COG1: variants seen among roughly 807,000 people sequenced by gnomAD.
The protein encoded by COG1 is component of oligomeric golgi complex 1.
COG1 carries 61 observed loss-of-function variants against 102.2 expected under a neutral mutation model. That is an observed-to-expected ratio of 0.60 (90% CI 0.49 to 0.74). The LOEUF is 0.74. COG1 is among the 30% of genes least tolerant of loss of function. The pLI, the probability that COG1 is intolerant of heterozygous loss-of-function variation, is 0.00. For missense variants in COG1, 1,164 were observed against 1,232.1 expected (o/e 0.94, Z 0.83); for synonymous variants, 454 against 493.6 (o/e 0.92, Z 1.06).
intron 9 of COG1, chr17:73,205,326 C>CT (rs1269022056): frequency 1.8e-6 from 1 of 540,964 alleles, no homozygotes; most frequent in African/African-American, 1.9e-5. Context: ...CATCTGAGGC[C>CT]TTTTTTAAGG....
At chr17:73,197,530 A>G in intron 4 of COG1, 134 bp downstream of exon 4, 1 of 903,546 alleles carries the variant, frequency 1.1e-6, no homozygotes, top group Non-Finnish European at 1.8e-6. Flanking sequence ...CCCTTCCTTC[A>G]TCGAGGCCAC....
In COG1 at chr17:73,201,298, A is replaced by C. The variant is rs1365817492; in HGVS notation, c.1471A>C (p.Ser491Arg). 5.6e-6 allele frequency: 9 copies of C among 1,614,208 alleles called. No homozygotes were observed. The highest frequency in any genetic ancestry group is 7.6e-6 in the Non-Finnish European group (9 of 1,180,040). Residue 491 changes from serine (S) to arginine (R), a missense_variant, in exon 7 of 14, where the codon AGC (serine) becomes CGC (arginine). Physicochemically the swap from Ser to Arg is moderately radical, Grantham distance 110. Transcript: ENST00000299886. ...CCTGCCTTCCGATGCGGCCTGGGTC[A>C]GCGTGGCAAACCGGGGTCAGTTTGC... ...NDLPSDAAWV[S>R]VANRGQFASS...
Position 73,203,831 on chromosome 17 carries a change from TAAAC to T in COG1, c.2382+42_2382+45del, listed in dbSNP as rs757151764. Reference sequence around the variant, plus strand: ...ATGTTTGCCCATTAAAAACACAAATTAAACAAAAGAAAACCTTAGCATTGTCTTG... The same window carrying T: ...ATGTTTGCCCATTAAAAACACAAATTAAAAGAAAACCTTAGCATTGTCTTG... On this transcript the variant is annotated intron_variant, in intron 9 of 13. Coordinates refer to ENST00000299886, the MANE Select transcript of COG1 (RefSeq NM_018714.3). 4 of 1,611,418 alleles carry T rather than the reference TAAAC, an allele frequency of 2.5e-6. No individual in the cohort carries two copies. The African/African-American group carries it at 5.3e-5, about 22-fold the overall frequency.
chr17:73,197,356 C>G lies in COG1; in HGVS notation c.873C>G (p.Leu291=). Residue 291 remains leucine (L), a synonymous_variant, in exon 4 of 14, where the codon CTC becomes CTG. Coordinates refer to ENST00000299886, the MANE Select transcript of COG1 (RefSeq NM_018714.3). ...LPDPALPCGL[L]FSTLETITGQ... ...ATCCAGCCCTGCCATGTGGCTTGCT[C>G]TTCTCTACTCTGGAGACCATCACAG... 1 of 1,614,218 alleles carries G rather than the reference C, an allele frequency of 6.2e-7. No individual in the cohort carries two copies. Among genetic ancestry groups the G allele is most frequent in the Non-Finnish European group, 8.5e-7 (1 of 1,180,054 alleles).
chr17:73,206,151 C>T lies in COG1; in HGVS notation c.2511-3C>T. The T allele has an allele frequency of 6.2e-7, 1 of 1,609,510 alleles. No individual in the cohort carries two copies. Among genetic ancestry groups the T allele is most frequent in the Non-Finnish European group, 8.5e-7 (1 of 1,175,754 alleles). On this transcript the variant is annotated splice_region_variant and splice_polypyrimidine_tract_variant and intron_variant, in intron 10 of 13. Transcript: ENST00000299886. Reference sequence around the variant, plus strand: ...ACAGTAATGATCCTAATCCTTTTCTCAGAATTGAGAAAGTGACTGACCACC... The same window carrying T: ...ACAGTAATGATCCTAATCCTTTTCTTAGAATTGAGAAAGTGACTGACCACC...
chr17:73,200,036 A>G lies in COG1; in HGVS notation c.1070+15A>G, dbSNP rs913113425. On this transcript the variant is annotated intron_variant, in intron 5 of 13. Coordinates refer to ENST00000299886, the MANE Select transcript of COG1 (RefSeq NM_018714.3). ...TGGATCCACATGTAAGTAACCAGAAAGAGCTTCCCTGCAGCTGGCAGGAGC... is the reference window on the plus strand; with the variant it reads ...TGGATCCACATGTAAGTAACCAGAAGGAGCTTCCCTGCAGCTGGCAGGAGC... 7 of 1,606,850 alleles carry G rather than the reference A, an allele frequency of 4.4e-6. No homozygotes were observed. Among genetic ancestry groups the G allele is most frequent in the East Asian group, 4.5e-5 (2 of 44,788 alleles).
At chr17:73,193,456 G>A in intron 1 of COG1, 72 bp downstream of exon 1, 1 of 1,342,770 alleles carries the variant, frequency 7.4e-7, no homozygotes, top group East Asian at 2.9e-5. Context: ...GGTCAACCCC[G>A]CCCCCCTCTG....
chr17:73,207,365 T>G, intron 13 of COG1, 109 bp downstream of exon 13: 1 of 1,000,850 alleles, frequency 1.0e-6, no homozygotes, highest in Admixed American at 2.0e-5. Flanking sequence ...AATGACAAAA[T>G]GCACTAATGC....
At chr17:73,200,993 A>G (rs1215091310) in intron 6 of COG1, 116 bp from the exon 7 acceptor site, 1 of 1,053,584 alleles carries the variant, frequency 9.5e-7, no homozygotes, top group Admixed American at 1.9e-5. Flanking sequence ...ACACCATGCC[A>G]TCTTTCTGAA....
chr17:73,202,734 G>C (rs1412637594), intron 7 of COG1, among the ~76,000 whole-genome samples: 1 of 152,178 alleles, frequency 6.6e-6, no homozygotes, highest in African/African-American at 2.4e-5. Flanking sequence ...GCTGCAGTGA[G>C]CTGTGATTGT....
intron 10 of COG1, 185 bp downstream of exon 10, chr17:73,205,865 G>A (rs2061368676): frequency 3.8e-6 from 3 of 779,582 alleles, no homozygotes; most frequent in African/African-American, 1.7e-5. Flanking sequence ...CAATGGTCAA[G>A]TGAAATAGGT....
Position 73,196,911 on chromosome 17 carries a change from T to C in COG1, c.572T>C (p.Leu191Pro). 1.2e-6 allele frequency: 2 copies of C among 1,614,254 alleles called. No homozygotes were observed. ...CATCATTTTTCTAGGTCAACTATTC[T>C]GCATGAAAGCAAGATGTTGCTCAAA... The part of the protein sequence containing the change: ...AAASHFRSTI[L>P]HESKMLLKCQ... The change falls in exon 3 of 14, where the codon CTG (leucine) becomes CCG (proline). Residue 191 changes from leucine (L) to proline (P), a missense_variant. Leu to Pro is a moderately conservative substitution (Grantham distance 98, BLOSUM62 -3). Coordinates refer to ENST00000299886, the MANE Select transcript of COG1 (RefSeq NM_018714.3).
At position 73,207,159 on chromosome 17, in the gene COG1, A is replaced by ATTCT. The variant is rs746273583; in HGVS notation, c.2730-18_2730-15dup. On this transcript the variant is annotated intron_variant, in intron 12 of 13. Transcript: ENST00000299886. Reference sequence around the variant, plus strand: ...CAGAGCTGCCTGTTTGTGCTACTAAATTCTTTCCTCTTGTTTTGGAGGTTT... The same window carrying ATTCT: ...CAGAGCTGCCTGTTTGTGCTACTAAATTCTTTCTTTCCTCTTGTTTTGGAGGTTT... 5.0e-6 allele frequency: 8 copies of ATTCT among 1,606,728 alleles called. No homozygotes were observed. In the East Asian group the frequency reaches 1.1e-4, roughly 23 times the overall value.
intron 13 of COG1, 188 bp from the exon 14 acceptor site, chr17:73,208,126 C>CA (rs1162000507): frequency 6.8e-7 from 1 of 1,467,338 alleles, no homozygotes; most frequent in Non-Finnish European, 9.0e-7. Flanking sequence ...AGTTTTGTCA[C>CA]AAAGGCTCAT....
chr17:73,205,943 C>T lies in COG1; in HGVS notation c.2511-211C>T, dbSNP rs997145530. 4.6e-6 allele frequency: 3 copies of T among 652,276 alleles called. No homozygotes were observed. The African/African-American group carries it at 6.0e-5, about 13-fold the overall frequency. 40.4% of individuals were successfully genotyped at this position (652,276 alleles called of 1,614,324 possible). A position where few individuals can be genotyped will look rare whatever the true frequency, so the allele number is the denominator to read the frequency against. On this transcript the variant is annotated intron_variant, in intron 10 of 13. Coordinates refer to ENST00000299886, the MANE Select transcript of COG1 (RefSeq NM_018714.3). ...TGAGTATCATTTGAGCCCTTAGTGC[C>T]CTCCTTATAGACAGAACGGGGGAAA...
chr17:73,207,634 G>A, intron 13 of COG1: 1 of 1,173,260 alleles, frequency 8.5e-7, no homozygotes. Context: ...TTAGTTGGGT[G>A]GGAAGTAACA....
intron 12 of COG1, 96 bp from the exon 13 acceptor site, chr17:73,207,083 ACT>A (rs1201051106): frequency 4.1e-6 from 4 of 975,198 alleles, no homozygotes; most frequent in Non-Finnish European, 4.5e-6. Flanking sequence ...ACAGAACGAG[ACT>A]CTGTCTCAAA....
intron 11 of COG1, 108 bp from the exon 12 acceptor site, chr17:73,206,600 A>C: frequency 1.3e-6 from 1 of 792,030 alleles, no homozygotes; most frequent in Non-Finnish European, 2.2e-6. Flanking sequence ...CATTCCCCAA[A>C]ATGACAGTTA....
intron 1 of COG1, among the ~76,000 whole-genome samples, chr17:73,194,152 A>ATTTTTTTTTTTT (rs1257232460): frequency 1.6e-4 from 23 of 147,462 alleles, no homozygotes; most frequent in Non-Finnish European, 3.0e-4. Context: ...TTCCTAAAGA[A>ATTTTTTTTTTTT]TTTTTATTGG....
Sources: allele counts gnomAD v4.1 joint callset (sites outside exome capture counted in the v4.1 genomes callset), GRCh38; gene constraint gnomAD v4.1.1; transcripts MANE v1.5; gene names NCBI Gene and HGNC (gene_info 2026-07-23, HGNC 2026-07-21).